Variants in RAB33A observed in about 807,000 individuals in gnomAD.
RAB33A encodes the protein ras-related protein Rab-33A.
Under a neutral mutation model 12.0 loss-of-function variants are expected in RAB33A, and 6 were observed. That is an observed-to-expected ratio of 0.50 (90% CI 0.27 to 0.99). The LOEUF (loss-of-function observed/expected upper bound fraction) is 0.99, where lower values mean the gene tolerates loss of function less well. RAB33A is among the 50% of genes least tolerant of loss of function. The probability of loss-of-function intolerance (pLI) is 0.11; values close to 1 mark genes in which losing one functional copy is unlikely to be tolerated. For missense variants in RAB33A, 109 were observed against 192.0 expected (o/e 0.57, Z 2.55); for synonymous variants, 70 against 82.4 (o/e 0.85, Z 0.81).
In RAB33A at chrX:130,184,662, T is replaced by C. The variant is rs1225346114; in HGVS notation, c.636T>C (p.Asp212=). 14 of 1,212,100 alleles carry C rather than the reference T, an allele frequency of 1.2e-5. No homozygotes were observed. The highest frequency in any genetic ancestry group is 1.6e-5 in the Non-Finnish European group (14 of 895,599). Residue 212 remains aspartate, a synonymous_variant, in exon 2 of 2, where the codon GAT becomes GAC. Coordinates refer to ENST00000257017, the MANE Select transcript of RAB33A (RefSeq NM_004794.3). ...LKAQKSLLYR[D]AERQQGKVQK... is the part of the protein sequence containing the mutation. Reference sequence around the variant, plus strand: ...CCCAGAAATCCCTGCTGTATCGTGATGCTGAGAGGCAGCAGGGGAAGGTGC... The same window carrying C: ...CCCAGAAATCCCTGCTGTATCGTGACGCTGAGAGGCAGCAGGGGAAGGTGC...
At chrX:130,180,633 T>G (rs2031715391) in intron 1 of RAB33A, among the ~76,000 whole-genome samples, 1 of 105,604 alleles carries the variant, frequency 9.5e-6, no homozygotes, top group South Asian at 4.6e-4. Flanking sequence ...TTTTTTATAT[T>G]TTTTGGTAGA....
At chrX:130,160,849 C>G in the RAB33A span, among the ~76,000 whole-genome samples, 1 of 108,136 alleles carries the variant, frequency 9.2e-6, no homozygotes, top group African/African-American at 3.4e-5. Context: ...TTGAGACCAG[C>G]CTGGCCAACA....
At chrX:130,113,077 C>CTTTTTTTTTTTTTTT in the RAB33A span, among the ~76,000 whole-genome samples, 8 of 46,992 alleles carry the variant, frequency 1.7e-4, no homozygotes, top group African/African-American at 1.9e-4. Context: ...TTTTTTCCTT[C>CTTTTTTTTTTTTTTT]TTTTTTTTTT....
upstream of RAB33A, among the ~76,000 whole-genome samples, chrX:130,168,258 A>G (rs2031567379): frequency 1.0e-5 from 1 of 100,107 alleles, no homozygotes; most frequent in Admixed American, 1.1e-4. Flanking sequence ...TTTGTCACCC[A>G]GGCTGGAGTG....
chrX:130,175,560 G>A (rs1393571900), intron 1 of RAB33A, among the ~76,000 whole-genome samples: 1 of 99,680 alleles, frequency 1.0e-5, no homozygotes, highest in African/African-American at 3.8e-5. Context: ...GCAATGGCAC[G>A]ATCTCAGCTC....
chrX:130,138,570 C>G, the RAB33A span: 4 of 1,099,212 alleles, frequency 3.6e-6, no homozygotes, highest in Non-Finnish European at 5.0e-6. Flanking sequence ...GAAAGAAAAT[C>G]AAGGTCACTC....
chrX:130,130,303 C>A, the RAB33A span: 1 of 707,833 alleles, frequency 1.4e-6, no homozygotes. Context: ...TTTCTCTATG[C>A]CCCCTCAGTA....
chrX:130,182,709 G>A (rs1030746673), intron 1 of RAB33A, among the ~76,000 whole-genome samples: 5 of 109,319 alleles, frequency 4.6e-5, no homozygotes, highest in Non-Finnish European at 7.6e-5. Context: ...AGCCGAGATC[G>A]TGCCATTTCA....
At chrX:130,154,155 T>C in the RAB33A span, among the ~76,000 whole-genome samples, 1 of 112,487 alleles carries the variant, frequency 8.9e-6, no homozygotes, top group African/African-American at 3.2e-5. Context: ...GCTTTATTAT[T>C]ACCAGTGTTG....
At chrX:130,129,130 G>A in the RAB33A span, among the ~76,000 whole-genome samples, 2 of 111,427 alleles carry the variant, frequency 1.8e-5, no homozygotes, top group Non-Finnish European at 3.8e-5. Context: ...TGAACTTCCT[G>A]AGAGGAGAGG....
At chrX:130,136,831 T>C in the RAB33A span, 4 of 1,025,696 alleles carry the variant, frequency 3.9e-6, no homozygotes, top group Non-Finnish European at 5.5e-6. Context: ...TAAAACCAAT[T>C]ATCAGTACAC....
chrX:130,129,605 A>G, the RAB33A span: 8 of 1,208,246 alleles, frequency 6.6e-6, no homozygotes, highest in East Asian at 1.8e-4. Flanking sequence ...TGAGATCTTC[A>G]TGCTGCTCAC....
At chrX:130,152,851 C>T in the RAB33A span, among the ~76,000 whole-genome samples, 1 of 111,843 alleles carries the variant, frequency 8.9e-6, no homozygotes, top group East Asian at 2.8e-4. Flanking sequence ...GCTGTGAAGT[C>T]AATTTAGTAG....
the RAB33A span, among the ~76,000 whole-genome samples, chrX:130,132,226 C>T: frequency 1.8e-5 from 2 of 112,120 alleles, no homozygotes; most frequent in Non-Finnish European, 3.8e-5. Context: ...ACGAGAGATG[C>T]CAACTGATCT....
chrX:130,168,881 G>A (rs1398770405), upstream of RAB33A, among the ~76,000 whole-genome samples: 1 of 110,867 alleles, frequency 9.0e-6, no homozygotes, highest in Non-Finnish European at 1.9e-5. Context: ...CGAGGAGGGT[G>A]GATCACTTTA....
At chrX:130,146,399 C>A in the RAB33A span, among the ~76,000 whole-genome samples, 2 of 109,404 alleles carry the variant, frequency 1.8e-5, no homozygotes, top group African/African-American at 6.7e-5. Flanking sequence ...AGCTATGATT[C>A]GGCCACTGCA....
At chrX:130,143,330 AAAC>A in the RAB33A span, among the ~76,000 whole-genome samples, 2 of 112,007 alleles carry the variant, frequency 1.8e-5, no homozygotes, top group Non-Finnish European at 3.8e-5. Context: ...TAATGGTCCA[AAAC>A]TGAATTTTAT....
intron 1 of RAB33A, among the ~76,000 whole-genome samples, chrX:130,182,826 G>A (rs1336681395): frequency 8.9e-6 from 1 of 112,085 alleles, no homozygotes; most frequent in Non-Finnish European, 1.9e-5. Flanking sequence ...TATTTTGTGA[G>A]CGTTTCTCTT....
the RAB33A span, among the ~76,000 whole-genome samples, chrX:130,150,090 C>A: frequency 9.0e-6 from 1 of 110,811 alleles, no homozygotes; most frequent in Non-Finnish European, 1.9e-5. Flanking sequence ...AGAGAGTTAC[C>A]CATCATTCCC....
Sources: gnomAD v4.1 joint callset for allele counts (sites outside exome capture counted in the v4.1 genomes callset) on GRCh38, gnomAD v4.1.1 for gene constraint, MANE v1.5 for transcripts, NCBI Gene and HGNC (gene_info 2026-07-23, HGNC 2026-07-21) for gene names.